GMDS: variants seen among roughly 807,000 people sequenced by gnomAD.
GMDS encodes GDP-mannose 4,6 dehydratase.
GMDS carries 20 observed loss-of-function variants against 49.9 expected under a neutral mutation model. The ratio of observed to expected loss-of-function variants is 0.40; its 90% CI spans 0.28 to 0.58. GMDS has a LOEUF of 0.58. GMDS is among the 20% of genes least tolerant of loss of function. GMDS has a pLI of 0.42. For synonymous variants in GMDS, 177 were observed against 178.6 expected (o/e 0.99, Z 0.07); for missense variants, 362 against 481.4 (o/e 0.75, Z 2.32).
intron 6 of GMDS, among the ~76,000 whole-genome samples, chr6:1,935,228 T>C (rs1762468037): frequency 6.6e-6 from 1 of 152,212 alleles, no homozygotes; most frequent in African/African-American, 2.4e-5. Context: ...TCTGAAGTCA[T>C]AGTCTCCTCT....
intron 7 of GMDS, among the ~76,000 whole-genome samples, chr6:1,856,049 A>G (rs898526441): frequency 3.9e-5 from 6 of 152,182 alleles, no homozygotes; most frequent in Admixed American, 6.5e-5. Context: ...CAGAATTTCA[A>G]ATGGCTGAAC....
At chr6:1,782,355 T>G (rs1769130709) in intron 7 of GMDS, among the ~76,000 whole-genome samples, 1 of 152,256 alleles carries the variant, frequency 6.6e-6, no homozygotes, top group African/African-American at 2.4e-5. Flanking sequence ...TTAAGCTCTG[T>G]GAACATTCAT....
intron 1 of GMDS, among the ~76,000 whole-genome samples, chr6:2,229,664 A>G (rs1317050275): frequency 2.0e-5 from 3 of 152,198 alleles, no homozygotes; most frequent in African/African-American, 4.8e-5. Flanking sequence ...CTCCCTTTAC[A>G]GATTTATCTT....
chr6:2,141,498 G>A (rs551061495), intron 1 of GMDS, among the ~76,000 whole-genome samples: 56 of 152,196 alleles, frequency 3.7e-4, no homozygotes, highest in South Asian at 6.2e-4. Flanking sequence ...CCACCAGAAC[G>A]TATCCCAGCT....
At chr6:2,113,202 C>T (rs1248243106) in intron 4 of GMDS, among the ~76,000 whole-genome samples, 2 of 152,140 alleles carry the variant, frequency 1.3e-5, no homozygotes, top group Non-Finnish European at 2.9e-5. Context: ...CCCCTGGGCA[C>T]TGGAGCCCTG....
Position 1,997,934 on chromosome 6 carries a change from T to C in GMDS, c.346-36968A>G, listed in dbSNP as rs1484735090. On this transcript the variant is annotated intron_variant, in intron 4 of 10. Coordinates refer to ENST00000380815, the MANE Select transcript of GMDS (RefSeq NM_001500.4). ...GAAACGGCCTTTCCTCTGTATCTTC[T>C]GGGAAATGCAAAGATACTGCCTCTC... Among the ~76,000 whole-genome samples the C allele has an allele frequency of 2.0e-5, 3 of 152,188 alleles. No individual in the cohort carries two copies. In the East Asian group the frequency reaches 5.8e-4, roughly 29 times the overall value.
intron 7 of GMDS, among the ~76,000 whole-genome samples, chr6:1,876,485 A>T (rs905919242): frequency 6.6e-6 from 1 of 152,204 alleles, no homozygotes; most frequent in South Asian, 2.1e-4. Flanking sequence ...ACTTATGCCC[A>T]GGTTGTCAGG....
At chr6:2,169,789 C>T (rs1733018096) in intron 1 of GMDS, among the ~76,000 whole-genome samples, 1 of 152,280 alleles carries the variant, frequency 6.6e-6, no homozygotes, top group African/African-American at 2.4e-5. Flanking sequence ...TCCTCAAATA[C>T]TGATTCAAAA....
chr6:1,636,228 G>A lies in GMDS; in HGVS notation c.988-11688C>T, dbSNP rs570124526. Reference sequence around the variant, plus strand: ...TCTCCAAATAAACACAGGAAAGAGGGACAAGGGTGGCCTAGAGTGTGGGAT... The same window carrying A: ...TCTCCAAATAAACACAGGAAAGAGGAACAAGGGTGGCCTAGAGTGTGGGAT... On this transcript the variant is annotated intron_variant, in intron 9 of 10. Coordinates refer to ENST00000380815, the MANE Select transcript of GMDS (RefSeq NM_001500.4). Among the ~76,000 whole-genome samples, 128 of 152,314 alleles carry A rather than the reference G, an allele frequency of 8.4e-4. 1 individual carries two copies. Among genetic ancestry groups the A allele is most frequent in the Non-Finnish European group, 1.6e-3 (110 of 68,026 alleles).
chr6:1,987,485 C>G (rs145433666), intron 4 of GMDS, among the ~76,000 whole-genome samples: 2 of 152,086 alleles, frequency 1.3e-5, no homozygotes, highest in African/African-American at 4.8e-5. Flanking sequence ...ATATTTATAG[C>G]GCAACACCTA....
chr6:1,848,231 G>A (rs921910318), intron 7 of GMDS, among the ~76,000 whole-genome samples: 1 of 152,116 alleles, frequency 6.6e-6, no homozygotes, highest in African/African-American at 2.4e-5. Flanking sequence ...TCTACCGCTT[G>A]TAGAGTCACA....
At chr6:2,099,965 C>T (rs1366212034) in intron 4 of GMDS, among the ~76,000 whole-genome samples, 1 of 151,964 alleles carries the variant, frequency 6.6e-6, no homozygotes, top group Non-Finnish European at 1.5e-5. Context: ...ATTGGACAAT[C>T]ATGAAATTTT....
At chr6:2,136,264 T>C (rs1226828456) in intron 1 of GMDS, among the ~76,000 whole-genome samples, 1 of 152,234 alleles carries the variant, frequency 6.6e-6, no homozygotes, top group African/African-American at 2.4e-5. Context: ...TGATCTGTTT[T>C]AGATTTCATA....
At chr6:2,069,860 C>T (rs940772382) in intron 4 of GMDS, among the ~76,000 whole-genome samples, 142 of 152,154 alleles carry the variant, frequency 9.3e-4, no homozygotes, top group African/African-American at 3.3e-3. Flanking sequence ...GTCAGTGTGG[C>T]GATCCCTCAG....
intron 4 of GMDS, among the ~76,000 whole-genome samples, chr6:2,034,180 T>C (rs1769144261): frequency 6.6e-6 from 1 of 152,184 alleles, no homozygotes; most frequent in Admixed American, 6.5e-5. Flanking sequence ...GTAAACTTCT[T>C]TAGTTTACGG....
At chr6:2,066,267 G>C (rs1299467644) in intron 4 of GMDS, among the ~76,000 whole-genome samples, 3 of 149,912 alleles carry the variant, frequency 2.0e-5, no homozygotes, top group Non-Finnish European at 4.4e-5. Flanking sequence ...CCTGAAGAAA[G>C]CGCTAAACAT....
chr6:2,061,534 T>A (rs964350687), intron 4 of GMDS, among the ~76,000 whole-genome samples: 13 of 151,774 alleles, frequency 8.6e-5, no homozygotes, highest in Non-Finnish European at 1.0e-4. Flanking sequence ...TTGGCCAACA[T>A]GGCAAAACCC....
chr6:2,063,486 CT>C (rs1562018812), intron 4 of GMDS, among the ~76,000 whole-genome samples: 8 of 152,134 alleles, frequency 5.3e-5, no homozygotes, highest in African/African-American at 1.7e-4. Context: ...TAATGGGAAA[CT>C]ATGTAAAAAC....
At chr6:1,630,130 CA>C (rs1442021409) in intron 9 of GMDS, among the ~76,000 whole-genome samples, 1 of 152,014 alleles carries the variant, frequency 6.6e-6, no homozygotes. Context: ...TGTAGTTAAG[CA>C]AAAAGGGCTC....
Sources: allele counts gnomAD v4.1 joint callset (sites outside exome capture counted in the v4.1 genomes callset), GRCh38; gene constraint gnomAD v4.1.1; transcripts MANE v1.5; gene names NCBI Gene and HGNC (gene_info 2026-07-23, HGNC 2026-07-21).